Variants in HERC1 observed in about 807,000 individuals in gnomAD.
The protein encoded by HERC1 is probable E3 ubiquitin-protein ligase HERC1.
In HERC1, 160 loss-of-function variants were observed where a neutral mutation model predicts 554.3. That is an observed-to-expected ratio of 0.29 (90% confidence interval 0.25 to 0.33). The LOEUF is 0.33. Ranked by LOEUF, HERC1 falls within the 10% of genes least tolerant of loss-of-function variation. The pLI is 1.00. For missense variants in HERC1, 4,919 were observed against 5,918.5 expected (o/e 0.83, Z 5.54); for synonymous variants, 2,175 against 2,131.7 (o/e 1.02, Z -0.56).
rs753388373 is a variant in HERC1, at chr15:63,678,212, T to G, written c.6703A>C (p.Lys2235Gln). ...RTDRWTYCIN[K>Q]KMMERLHKIK... ...TTGTGAAGCCTTTCCATCATTTTTT[T>G]GTTAATGCAGTAAGTCCAACGGTCT... The change falls in exon 37 of 78, where the codon AAA becomes CAA. Residue 2235 changes from lysine (K) to glutamine (Q), a missense_variant. Coordinates refer to ENST00000443617, the MANE Select transcript of HERC1 (RefSeq NM_003922.4). The G allele has an allele frequency of 6.2e-7, 1 of 1,613,972 alleles. No homozygotes were observed. Among genetic ancestry groups the G allele is most frequent in the Non-Finnish European group, 8.5e-7 (1 of 1,179,872 alleles).
chr15:63,636,248 T>A, intron 64 of HERC1, 106 bp from the exon 65 acceptor site: 1 of 888,612 alleles, frequency 1.1e-6, no homozygotes, highest in Non-Finnish European at 1.7e-6. Flanking sequence ...GAATTGGTAC[T>A]ATGAAAATAA....
intron 54 of HERC1, among the ~76,000 whole-genome samples, chr15:63,648,905 T>C (rs2069499460): frequency 6.6e-6 from 1 of 152,168 alleles, no homozygotes; most frequent in Non-Finnish European, 1.5e-5. Flanking sequence ...ATTACCCCAC[T>C]TCCCCCAGAC....
intron 12 of HERC1, among the ~76,000 whole-genome samples, chr15:63,743,772 C>T (rs1440278987): frequency 6.6e-6 from 1 of 152,168 alleles, no homozygotes; most frequent in Admixed American, 6.6e-5. Flanking sequence ...ATTTTGAATT[C>T]TCTGTGTGAA....
rs948113967 is a variant in HERC1 at position 63,734,370 on chromosome 15, T to C, written c.2646+354A>G. On this transcript the variant is annotated intron_variant, in intron 13 of 77. Coordinates refer to ENST00000443617, the MANE Select transcript of HERC1 (RefSeq NM_003922.4). The surrounding 1 kb of genome is among the most constrained non-coding windows in gnomAD (Gnocchi z 4.6). Reference sequence around the variant, plus strand: ...AATACTTTTTCCTAATAGTCATCTATACTCTTTATACAAACGATTTCAGAC... The same window carrying C: ...AATACTTTTTCCTAATAGTCATCTACACTCTTTATACAAACGATTTCAGAC... Among the ~76,000 whole-genome samples the C allele has an allele frequency of 6.6e-6, 1 of 152,166 alleles. No individual in the cohort carries two copies. The highest frequency in any genetic ancestry group is 1.5e-5 in the Non-Finnish European group (1 of 68,028).
At chr15:63,819,855 C>T (rs542621279) in intron 1 of HERC1, among the ~76,000 whole-genome samples, 1 of 152,220 alleles carries the variant, frequency 6.6e-6, no homozygotes, top group South Asian at 2.1e-4. Context: ...GCATCACTTT[C>T]TAGCTGCATG....
At chr15:63,609,358 G>A in intron 77 of HERC1, 92 bp from the exon 78 acceptor site, 1 of 1,138,424 alleles carries the variant, frequency 8.8e-7, no homozygotes, top group Non-Finnish European at 1.2e-6. Flanking sequence ...CCTTCAAGAT[G>A]GAATTAACAT....
intron 18 of HERC1, 69 bp from the exon 19 acceptor site, chr15:63,723,424 CATTT>C (rs1336925521): frequency 1.9e-6 from 2 of 1,037,454 alleles, no homozygotes; most frequent in Non-Finnish European, 2.7e-6. Flanking sequence ...AATCTTACCA[CATTT>C]ATTTAATGAT....
At chr15:63,792,465 A>G (rs2076680932) in intron 1 of HERC1, among the ~76,000 whole-genome samples, 1 of 152,192 alleles carries the variant, frequency 6.6e-6, no homozygotes, top group Admixed American at 6.5e-5. Context: ...ATACAACCCT[A>G]TCAGCAAAGC....
chr15:63,651,380 C>T lies in HERC1; in HGVS notation c.10419G>A (p.Leu3473=), dbSNP rs1349610186. 4 of 1,612,574 alleles carry T rather than the reference C, an allele frequency of 2.5e-6. No individual in the cohort carries two copies. The African/African-American group carries it at 4.0e-5, about 16-fold the overall frequency. Residue 3473 remains leucine (L), a splice_region_variant and synonymous_variant, in exon 53 of 78, where the codon TTG becomes TTA. Coordinates refer to ENST00000443617, the MANE Select transcript of HERC1 (RefSeq NM_003922.4). ...CCAGGCTTTCCTCAGCATCCCCTTCCCTAGAATATAACAGACAGATATGCA... is the reference window on the plus strand; with the variant it reads ...CCAGGCTTTCCTCAGCATCCCCTTCTCTAGAATATAACAGACAGATATGCA... The part of the protein sequence containing the change: ...SLQQTCVFNR[L]EGDAEESLGS...
intron 34 of HERC1, among the ~76,000 whole-genome samples, chr15:63,681,017 A>G (rs1307323971): frequency 6.6e-6 from 1 of 152,208 alleles, no homozygotes; most frequent in Non-Finnish European, 1.5e-5. Context: ...ATTTAAAATA[A>G]GCAATTCTAA....
intron 1 of HERC1, among the ~76,000 whole-genome samples, chr15:63,800,161 G>A (rs1357228877): frequency 6.6e-6 from 1 of 151,858 alleles, no homozygotes; most frequent in African/African-American, 2.4e-5. Context: ...GAAAGAAACT[G>A]GGGTATGGGG....
At chr15:63,622,743 A>G in intron 74 of HERC1, 72 bp downstream of exon 74, 1 of 1,177,280 alleles carries the variant, frequency 8.5e-7, no homozygotes. Flanking sequence ...CCTGGTACAT[A>G]GTAAGCACTC....
At chr15:63,667,228 A>T (rs1034899109) in intron 40 of HERC1, among the ~76,000 whole-genome samples, 1 of 152,262 alleles carries the variant, frequency 6.6e-6, no homozygotes, top group Non-Finnish European at 1.5e-5. Flanking sequence ...ATGGAAATGT[A>T]ACTAGAAGTT....
intron 55 of HERC1, among the ~76,000 whole-genome samples, chr15:63,646,991 A>G (rs926453361): frequency 2.0e-5 from 3 of 151,972 alleles, no homozygotes; most frequent in African/African-American, 7.3e-5. Context: ...ACGTTGGCTC[A>G]CGCCTGTAAT....
At chr15:63,764,828 G>A (rs1216120064) in intron 2 of HERC1, among the ~76,000 whole-genome samples, 1 of 152,204 alleles carries the variant, frequency 6.6e-6, no homozygotes, top group African/African-American at 2.4e-5. Flanking sequence ...CCTGAAACTT[G>A]TGATCAGCAA....
At position 63,718,785 on chromosome 15, in the gene HERC1, G is replaced by C. The variant is rs758277571; in HGVS notation, c.3855C>G (p.Ser1285Arg). ...GAGGATAGTTTTAAGTTACTTGCCG[G>C]CTTTCTCCACATGCTTGACTAAGTA... ...TNLLSQACGE[S>R]RYQPGKHLSE... is the part of the protein sequence containing the mutation. Residue 1285 changes from serine (S) to arginine (R), a missense_variant and splice_region_variant, in exon 20 of 78, where the codon AGC (serine) becomes AGG (arginine). Coordinates refer to ENST00000443617, the MANE Select transcript of HERC1 (RefSeq NM_003922.4). This position sits in a 1 kb window ranked among gnomAD's most constrained non-coding sequence, Gnocchi z 4.2. The C allele has an allele frequency of 6.2e-7, 1 of 1,611,056 alleles. No homozygotes were observed. The highest frequency in any genetic ancestry group is 8.5e-7 in the Non-Finnish European group (1 of 1,177,954).
At position 63,663,168 on chromosome 15, in the gene HERC1, T is replaced by C. The variant is rs1314583403; in HGVS notation, c.8717A>G (p.Gln2906Arg). 1 of 1,613,900 alleles carries C rather than the reference T, an allele frequency of 6.2e-7. No individual in the cohort carries two copies. The highest frequency in any genetic ancestry group is 8.5e-7 in the Non-Finnish European group (1 of 1,179,888). Residue 2906 changes from glutamine (Q) to arginine (R), a missense_variant, in exon 44 of 78, where the codon CAA becomes CGA. Around this residue, in one of 11 missense-constraint regions of HERC1, gnomAD observed 1,963 missense variants for 2,228.6 expected, o/e 0.88. Coordinates refer to ENST00000443617, the MANE Select transcript of HERC1 (RefSeq NM_003922.4). ...LYRSVQAHRN[Q>R]SRREGISLQQ... ...CAAAGATATTCCTTCTCTCCGACTT[T>C]GATTCCTGTGGGCCTGCACAGAGCG...
At chr15:63,779,660 A>G (rs1017634101) in intron 1 of HERC1, 2 of 152,198 alleles carry the variant, frequency 1.3e-5, no homozygotes, top group Non-Finnish European at 2.9e-5. Context: ...ACTTGATTAC[A>G]ATAGGCTTAT....
Position 63,664,466 on chromosome 15 carries a change from T to A in HERC1, c.8680+4A>T. On this transcript the variant is annotated splice_donor_region_variant and intron_variant, in intron 43 of 77. Coordinates refer to ENST00000443617, the MANE Select transcript of HERC1 (RefSeq NM_003922.4). ...AAAGAAAAGGATACGGAACATAAAATTACCTGCTCTTGCTAGCAGTGTGCG... is the reference window on the plus strand; with the variant it reads ...AAAGAAAAGGATACGGAACATAAAAATACCTGCTCTTGCTAGCAGTGTGCG... 1.2e-6 allele frequency: 2 copies of A among 1,606,690 alleles called. No individual in the cohort carries two copies. The highest frequency in any genetic ancestry group is 1.7e-6 in the Non-Finnish European group (2 of 1,175,042).
Sources: allele counts gnomAD v4.1 joint callset (sites outside exome capture counted in the v4.1 genomes callset), GRCh38; gene constraint gnomAD v4.1.1; regional missense constraint gnomAD v4.1.1; non-coding constraint Gnocchi (gnomAD v3.1); transcripts MANE v1.5; gene names NCBI Gene and HGNC (gene_info 2026-07-23, HGNC 2026-07-21).